TBL1X: variants seen among roughly 807,000 people sequenced by gnomAD.
The protein encoded by TBL1X is transducin beta like 1 X-linked.
Under a neutral mutation model 50.7 loss-of-function variants are expected in TBL1X, and 10 were observed. That is an observed-to-expected ratio of 0.20 (90% CI 0.12 to 0.33). The LOEUF is 0.33. Among genes scored for constraint, TBL1X ranks in the 10% least tolerant of loss-of-function variants. The pLI is 1.00. For synonymous variants in TBL1X, 190 were observed against 214.7 expected (o/e 0.88, Z 1.01); for missense variants, 340 against 504.4 (o/e 0.67, Z 3.12).
Position 9,676,590 on chromosome X carries a change from G to A in TBL1X, c.212-7453G>A, listed in dbSNP as rs1261652526. Among the ~76,000 whole-genome samples, 7 of 111,996 alleles carry A rather than the reference G, an allele frequency of 6.3e-5. No individual in the cohort carries two copies. The East Asian group carries it at 1.1e-3, about 18-fold the overall frequency. On this transcript the variant is annotated intron_variant, in intron 5 of 17. Transcript: ENST00000645353. Reference sequence around the variant, plus strand: ...GATCCTTCTGGTATTTCTTTTGGACGCCGTCCGAGGCAGCTTCATTTTACG... The same window carrying A: ...GATCCTTCTGGTATTTCTTTTGGACACCGTCCGAGGCAGCTTCATTTTACG...
intron 2 of TBL1X, among the ~76,000 whole-genome samples, chrX:9,526,828 G>A (rs889538857): frequency 7.1e-5 from 8 of 112,041 alleles, no homozygotes; most frequent in Non-Finnish European, 1.5e-4. Context: ...AGAGGTAGTC[G>A]CGTTGGGGAA....
intron 2 of TBL1X, among the ~76,000 whole-genome samples, chrX:9,605,149 G>A (rs1454745902): frequency 9.0e-6 from 1 of 110,509 alleles, no homozygotes; most frequent in Non-Finnish European, 1.9e-5. Context: ...ACATGACACA[G>A]GGCCACACAG....
At chrX:9,626,498 C>T (rs995300614) in intron 2 of TBL1X, among the ~76,000 whole-genome samples, 6 of 112,132 alleles carry the variant, frequency 5.4e-5, no homozygotes, top group African/African-American at 1.6e-4. Flanking sequence ...CGTTAGTTTA[C>T]AGAGGTCAGT....
intron 2 of TBL1X, among the ~76,000 whole-genome samples, chrX:9,530,295 G>A (rs868785635): frequency 1.4e-4 from 16 of 112,125 alleles, no homozygotes; most frequent in Middle Eastern, 4.6e-3. Flanking sequence ...GATACTGAAT[G>A]CAGAAAATTT....
chrX:9,694,844 A>G (rs181198405), intron 11 of TBL1X, among the ~76,000 whole-genome samples: 1,823 of 109,041 alleles, frequency 0.017, 21 homozygotes, highest in Non-Finnish European at 0.024. Context: ...GTGGTGGGGG[A>G]TGCCTGTAAT....
intron 2 of TBL1X, among the ~76,000 whole-genome samples, chrX:9,595,204 C>G (rs1029515207): frequency 2.7e-5 from 3 of 111,893 alleles, no homozygotes; most frequent in Non-Finnish European, 5.6e-5. Flanking sequence ...GGGTCCTTCC[C>G]TCTGCCTCCC....
At chrX:9,696,018 A>G (rs1157014245) in intron 11 of TBL1X, among the ~76,000 whole-genome samples, 3 of 112,366 alleles carry the variant, frequency 2.7e-5, no homozygotes, top group Non-Finnish European at 3.8e-5. Flanking sequence ...ACACTCAGGG[A>G]GAAAATGTAA....
chrX:9,554,184 A>C (rs1009939362), intron 2 of TBL1X, among the ~76,000 whole-genome samples: 3 of 112,583 alleles, frequency 2.7e-5, no homozygotes, highest in African/African-American at 9.7e-5. Context: ...CCCAGTCTCA[A>C]TTTTTAAAAA....
intron 2 of TBL1X, among the ~76,000 whole-genome samples, chrX:9,596,265 T>G (rs191746236): frequency 4.5e-5 from 5 of 112,029 alleles, no homozygotes; most frequent in African/African-American, 1.6e-4. Context: ...GATGGGACTT[T>G]GCTCGAGTTG....
intron 2 of TBL1X, among the ~76,000 whole-genome samples, chrX:9,516,177 G>A (rs941139247): frequency 4.5e-5 from 5 of 111,280 alleles, no homozygotes; most frequent in Non-Finnish European, 7.5e-5. Context: ...GTCCCTGCCT[G>A]TTATCTCCGT....
At chrX:9,695,104 A>G (rs2083123790) in intron 11 of TBL1X, among the ~76,000 whole-genome samples, 1 of 112,215 alleles carries the variant, frequency 8.9e-6, no homozygotes, top group Non-Finnish European at 1.9e-5. Flanking sequence ...CTGGCTCCTC[A>G]CCTGTTTCTT....
chrX:9,543,294 C>T (rs186119340), intron 2 of TBL1X, among the ~76,000 whole-genome samples: 7 of 111,670 alleles, frequency 6.3e-5, no homozygotes, highest in Non-Finnish European at 1.3e-4. Flanking sequence ...GGGGAAGGAA[C>T]GGGAAATCAT....
At chrX:9,580,094 A>T (rs2082432612) in intron 2 of TBL1X, among the ~76,000 whole-genome samples, 1 of 112,652 alleles carries the variant, frequency 8.9e-6, no homozygotes, top group South Asian at 3.7e-4. Flanking sequence ...GATCCTGAGT[A>T]CATGTGCCCA....
chrX:9,694,995 T>TAAATAAATAAAA (rs1349798868), intron 11 of TBL1X, among the ~76,000 whole-genome samples: 33 of 111,147 alleles, frequency 3.0e-4, no homozygotes, highest in African/African-American at 1.1e-3. Context: ...AATAAATAAA[T>TAAATAAATAAAA]AAAATGATAG....
chrX:9,494,973 A>G (rs1212078724), intron 1 of TBL1X, among the ~76,000 whole-genome samples: 1 of 111,613 alleles, frequency 9.0e-6, no homozygotes. Flanking sequence ...TTTCCCACAT[A>G]AAACATGGAG....
chrX:9,709,890 G>T (rs1026320192), intron 15 of TBL1X, 130 bp downstream of exon 15: 64 of 909,958 alleles, frequency 7.0e-5, no homozygotes, highest in Non-Finnish European at 9.4e-5. Context: ...ACTTTGAAGG[G>T]GCCAGGATAG....
intron 2 of TBL1X, among the ~76,000 whole-genome samples, chrX:9,503,662 C>T (rs1295444585): frequency 2.7e-5 from 3 of 113,168 alleles, no homozygotes; most frequent in Admixed American, 9.2e-5. Flanking sequence ...TGGCAGTCTG[C>T]GGCTAGAGTG....
intron 2 of TBL1X, among the ~76,000 whole-genome samples, chrX:9,635,355 A>G (rs749848541): frequency 3.6e-5 from 4 of 110,366 alleles, no homozygotes; most frequent in Non-Finnish European, 7.6e-5. Context: ...CTGTATTGAA[A>G]TACAGAAACG....
chrX:9,618,759 T>G (rs1359436516), intron 2 of TBL1X, among the ~76,000 whole-genome samples: 1 of 112,635 alleles, frequency 8.9e-6, no homozygotes, highest in African/African-American at 3.2e-5. Context: ...CGTAGATGTA[T>G]CTCACTTTGT....
Sources: allele counts gnomAD v4.1 joint callset (sites outside exome capture counted in the v4.1 genomes callset), GRCh38; gene constraint gnomAD v4.1.1; transcripts MANE v1.5; gene names NCBI Gene and HGNC (gene_info 2026-07-23, HGNC 2026-07-21).